The following FAM180A variants were observed in gnomAD, a reference collection of about 807,000 sequenced individuals.
FAM180A encodes the protein protein FAM180A.
In FAM180A, 14 loss-of-function variants were observed where a neutral mutation model predicts 15.3. The ratio of observed to expected loss-of-function variants is 0.92; its 90% CI spans 0.61 to 1.43. The LOEUF (loss-of-function observed/expected upper bound fraction) is 1.43. Among genes scored for constraint, FAM180A ranks in the 40% most tolerant of loss-of-function variants. FAM180A has a pLI of 0.00. For missense variants in FAM180A, 200 were observed against 220.8 expected (o/e 0.91, Z 0.60); for synonymous variants, 90 against 96.8 (o/e 0.93, Z 0.41).
chr7:135,738,522 G>A (rs1487988604), intron 1 of FAM180A, among the ~76,000 whole-genome samples: 1 of 152,080 alleles, frequency 6.6e-6, no homozygotes, highest in Non-Finnish European at 1.5e-5. Flanking sequence ...AATGTATTTA[G>A]TATAAAGTCA....
intron 1 of FAM180A, among the ~76,000 whole-genome samples, chr7:135,742,184 A>T (rs893051619): frequency 6.6e-6 from 1 of 152,222 alleles, no homozygotes; most frequent in Non-Finnish European, 1.5e-5. Flanking sequence ...GTGAGGCAAG[A>T]TCTAGAGAGA....
intron 1 of FAM180A, among the ~76,000 whole-genome samples, chr7:135,737,549 T>G (rs1246407994): frequency 7.1e-6 from 1 of 141,204 alleles, no homozygotes; most frequent in African/African-American, 2.8e-5. Flanking sequence ...ACTGCGCCAT[T>G]GCACTCCAGC....
intron 3 of FAM180A, among the ~76,000 whole-genome samples, chr7:135,732,182 A>G (rs1563177791): frequency 6.6e-6 from 1 of 152,214 alleles, no homozygotes; most frequent in Non-Finnish European, 1.5e-5. Context: ...AAAGAAAAAT[A>G]TGCTCTAATA....
At chr7:135,744,262 C>T (rs1796997803) in intron 1 of FAM180A, among the ~76,000 whole-genome samples, 1 of 152,174 alleles carries the variant, frequency 6.6e-6, no homozygotes, top group Non-Finnish European at 1.5e-5. Context: ...GTATGGTATT[C>T]AGGCTAATCA....
At chr7:135,741,915 T>C (rs913126246) in intron 1 of FAM180A, among the ~76,000 whole-genome samples, 33 of 151,414 alleles carry the variant, frequency 2.2e-4, no homozygotes, top group African/African-American at 7.5e-4. Flanking sequence ...AAAAAAGAGG[T>C]CCTACCAATC....
chr7:135,747,971 G>A (rs940303892), intron 1 of FAM180A, among the ~76,000 whole-genome samples: 13 of 152,192 alleles, frequency 8.5e-5, no homozygotes, highest in African/African-American at 1.9e-4. Context: ...AGGAGGTGGC[G>A]GAGCTGGTGG....
chr7:135,748,482 CA>C, intron 1 of FAM180A, 22 bp downstream of exon 1: 2 of 1,601,138 alleles, frequency 1.2e-6, no homozygotes, highest in Admixed American at 3.3e-5. Flanking sequence ...ATCAAACAAA[CA>C]AATGAATAAA....
At chr7:135,730,403 G>A (rs766261650) in intron 3 of FAM180A, 122 bp from the exon 4 acceptor site, 33 of 197,788 alleles carry the variant, frequency 1.7e-4, no homozygotes, top group Non-Finnish European at 2.5e-4. Context: ...AATTAGCAGG[G>A]CATGGTGACG....
At chr7:135,735,371 G>A (rs941721253) in intron 2 of FAM180A, among the ~76,000 whole-genome samples, 1 of 152,222 alleles carries the variant, frequency 6.6e-6, no homozygotes, top group East Asian at 1.9e-4. Context: ...GATTGTGCTA[G>A]GAATCAAGTG....
chr7:135,737,365 T>C lies in FAM180A; in HGVS notation c.77-166A>G, dbSNP rs377759946. On this transcript the variant is annotated intron_variant, in intron 1 of 3. Transcript: ENST00000338588. ...CCTTTGGGAGGCCGAGGCGGGCGGA[T>C]CACCTGAAGTCAGGAGTTCGAAACC... 1.1e-3 allele frequency among the ~76,000 whole-genome samples: 167 copies of C among 151,948 alleles called. 1 individual carries two copies. The South Asian group carries it at 0.032, about 30-fold the overall frequency.
At chr7:135,737,251 C>T (rs1796885434) in intron 1 of FAM180A, 52 bp from the exon 2 acceptor site, 3 of 1,380,674 alleles carry the variant, frequency 2.2e-6, no homozygotes, top group Non-Finnish European at 9.9e-7. Flanking sequence ...CCCAGACCTT[C>T]TCCCTCTGAT....
chr7:135,748,713 T>A lies in FAM180A; in HGVS notation c.-133A>T, dbSNP rs755474479. ...CCTTCCTTTTGCAGACGTGCAGAAA[T>A]GCCTACTCTGCCTCAGAAGGCTGGA... On this transcript the variant is annotated 5_prime_UTR_variant, in exon 1 of 4. Coordinates refer to ENST00000338588, the MANE Select transcript of FAM180A (RefSeq NM_205855.4). The A allele has an allele frequency of 3.0e-5, 22 of 729,446 alleles. No individual in the cohort carries two copies. The highest frequency in any genetic ancestry group is 4.9e-5 in the Non-Finnish European group (20 of 412,350). The allele number at this position is 729,446 out of a possible 1,614,324, so 45.2% of individuals were successfully genotyped here. A position where few individuals can be genotyped will look rare whatever the true frequency, so the allele number is the denominator to read the frequency against.
chr7:135,729,981 A>C lies in FAM180A; in HGVS notation c.*630T>G. The C allele has an allele frequency of 1.1e-6, 1 of 939,700 alleles. No homozygotes were observed. 58.2% of individuals were successfully genotyped at this position (939,700 alleles called of 1,614,324 possible). A position where few individuals can be genotyped will look rare whatever the true frequency, so the allele number is the denominator to read the frequency against. ...CTGTACCATATGCTTAAAAATGGTT[A>C]AGATGGTACATTTTACCTGATGTGT... On this transcript the variant is annotated 3_prime_UTR_variant, in exon 4 of 4. Coordinates refer to ENST00000338588, the MANE Select transcript of FAM180A (RefSeq NM_205855.4).
At position 135,729,934 on chromosome 7, in the gene FAM180A, A is replaced by C; in HGVS notation, c.*677T>G. 2 of 792,538 alleles carry C rather than the reference A, an allele frequency of 2.5e-6. No individual in the cohort carries two copies. The highest frequency in any genetic ancestry group is 3.1e-6 in the Non-Finnish European group (2 of 654,192). 49.1% of individuals were successfully genotyped at this position (792,538 alleles called of 1,614,324 possible). On this transcript the variant is annotated 3_prime_UTR_variant, in exon 4 of 4. Coordinates refer to ENST00000338588, the MANE Select transcript of FAM180A (RefSeq NM_205855.4). Reference sequence around the variant, plus strand: ...AGAAAGTTCCGGGGGTCTGTTTCACAACATGCATGGAGTTAACACTGCTGT... The same window carrying C: ...AGAAAGTTCCGGGGGTCTGTTTCACCACATGCATGGAGTTAACACTGCTGT...
At chr7:135,731,085 G>A (rs1340118273) in intron 3 of FAM180A, among the ~76,000 whole-genome samples, 3 of 152,024 alleles carry the variant, frequency 2.0e-5, no homozygotes, top group Non-Finnish European at 4.4e-5. Context: ...ACTACTGGGA[G>A]CAGCCATCTA....
At chr7:135,741,512 T>C (rs1392554280) in intron 1 of FAM180A, among the ~76,000 whole-genome samples, 9 of 78,910 alleles carry the variant, frequency 1.1e-4, no homozygotes, top group Non-Finnish European at 2.0e-4. Context: ...TGAGACTCTG[T>C]CTCAAAAAAA....
chr7:135,731,925 C>T (rs1796789065), intron 3 of FAM180A, among the ~76,000 whole-genome samples: 1 of 152,216 alleles, frequency 6.6e-6, no homozygotes, highest in South Asian at 2.1e-4. Context: ...TAAATCCTCA[C>T]TCATTCAAAG....
At position 135,748,530 on chromosome 7, in the gene FAM180A, A is replaced by C. The variant is rs756463881; in HGVS notation, c.51T>G (p.Ala17=). The part of the protein sequence containing the change: ...LLLLLYYNAE[A]SMCHRWSRAV... ...CCCTGCTCCACCTGTGGCACATAGAAGCCTCAGCATTGTAATACAACAGCA... is the reference window on the plus strand; with the variant it reads ...CCCTGCTCCACCTGTGGCACATAGACGCCTCAGCATTGTAATACAACAGCA... Residue 17 remains alanine (A), a synonymous_variant, in exon 1 of 4, where the codon GCT becomes GCG. Transcript: ENST00000338588. The C allele has an allele frequency of 1.9e-5, 31 of 1,613,994 alleles. No homozygotes were observed. Among genetic ancestry groups the C allele is most frequent in the Non-Finnish European group, 2.6e-5 (31 of 1,179,946 alleles).
chr7:135,741,351 A>G (rs1322925918), intron 1 of FAM180A, among the ~76,000 whole-genome samples: 2 of 152,166 alleles, frequency 1.3e-5, no homozygotes, highest in Non-Finnish European at 2.9e-5. Flanking sequence ...AGTGTGTACC[A>G]AAAATTAACT....
Sources: allele counts gnomAD v4.1 joint callset (sites outside exome capture counted in the v4.1 genomes callset), GRCh38; gene constraint gnomAD v4.1.1; transcripts MANE v1.5; gene names NCBI Gene and HGNC (gene_info 2026-07-23, HGNC 2026-07-21).